The following BCAS3 variants were observed in gnomAD, a reference collection of about 807,000 sequenced individuals.
BCAS3 encodes the protein BCAS3 microtubule associated cell migration factor.
In BCAS3, 53 loss-of-function variants were observed where a neutral mutation model predicts 116.1. That is an observed-to-expected ratio of 0.46 (90% CI 0.37 to 0.57). The LOEUF is 0.57. Among genes scored for constraint, BCAS3 ranks in the 20% least tolerant of loss-of-function variants. BCAS3 has a pLI of 0.00. For synonymous variants in BCAS3, 391 were observed against 408.2 expected (o/e 0.96, Z 0.51); for missense variants, 917 against 1,165.4 (o/e 0.79, Z 3.10).
At position 61,085,463 on chromosome 17, in the gene BCAS3, T is replaced by C. The variant is rs1006851227; in HGVS notation, c.2425+899T>C. ...AAATGGAAACAAACACAAAACTGAT[T>C]TGTGAAGGTCACTTTAAAAAGACCA... On this transcript the variant is annotated intron_variant, in intron 22 of 23. Coordinates refer to ENST00000407086, the MANE Select transcript of BCAS3 (RefSeq NM_017679.5). Among the ~76,000 whole-genome samples the C allele has an allele frequency of 9.2e-5, 14 of 152,200 alleles. 1 individual carries two copies. Among genetic ancestry groups the C allele is most frequent in the Non-Finnish European group, 1.0e-4 (7 of 68,036 alleles).
chr17:61,196,826 G>T lies in BCAS3; in HGVS notation c.2425+112262G>T, dbSNP rs2144258966. On this transcript the variant is annotated intron_variant, in intron 22 of 23. Transcript: ENST00000407086. The surrounding 1 kb of genome is among the most constrained non-coding windows in gnomAD (Gnocchi z 4.7). ...AACTGCTGAAACAGAAAGCATATAT[G>T]CTCTAAAGTATAGTTTATATATAAT... is the stretch of plus-strand genomic sequence containing the variant. 6.6e-6 allele frequency among the ~76,000 whole-genome samples: 1 copy of T among 152,304 alleles called. No homozygotes were observed. The highest frequency in any genetic ancestry group is 2.1e-4 in the South Asian group (1 of 4,824).
chr17:60,900,581 A>C lies in BCAS3; in HGVS notation c.739-2039A>C, dbSNP rs2057821108. Among the ~76,000 whole-genome samples, 4 of 152,226 alleles carry C rather than the reference A, an allele frequency of 2.6e-5. No individual in the cohort carries two copies. The South Asian group carries it at 8.3e-4, about 32-fold the overall frequency. ...CCTTGGACAGTGTATTTGAAGTGTG[A>C]TTCTCTATGCACTATTTTGGTTCTT... is the stretch of plus-strand genomic sequence containing the variant. On this transcript the variant is annotated intron_variant, in intron 10 of 23. Transcript: ENST00000407086.
At chr17:60,917,694 A>G (rs1330798544) in intron 12 of BCAS3, among the ~76,000 whole-genome samples, 1 of 151,994 alleles carries the variant, frequency 6.6e-6, no homozygotes, top group African/African-American at 2.4e-5. Context: ...CTTGGGTTCA[A>G]GCGATTCTCT....
intron 22 of BCAS3, among the ~76,000 whole-genome samples, chr17:61,234,884 T>TTTAC (rs963737020): frequency 1.2e-4 from 11 of 89,330 alleles, no homozygotes; most frequent in Non-Finnish European, 3.2e-4. Context: ...ACTTTATTTA[T>TTTAC]TTACTTATTT....
At position 60,774,825 on chromosome 17, in the gene BCAS3, G is replaced by A. The variant is rs1451313166; in HGVS notation, c.403+27546G>A. ...TGAGTGGTAAGTTGGGGCATTCACA[G>A]GGCTCACATCAATTGTTTCCCTTGT... On this transcript the variant is annotated intron_variant, in intron 6 of 23. Coordinates refer to ENST00000407086, the MANE Select transcript of BCAS3 (RefSeq NM_017679.5). 3.9e-5 allele frequency among the ~76,000 whole-genome samples: 6 copies of A among 152,218 alleles called. No individual in the cohort carries two copies. In the East Asian group the frequency reaches 1.2e-3, roughly 29 times the overall value.
rs1310390977 is a variant in BCAS3 at position 61,243,162 on chromosome 17, G to A, written c.2426-125165G>A. On this transcript the variant is annotated intron_variant, in intron 22 of 23. Coordinates refer to ENST00000407086, the MANE Select transcript of BCAS3 (RefSeq NM_017679.5). This position sits in a 1 kb window ranked among gnomAD's most constrained non-coding sequence, Gnocchi z 5.6. ...CCTGACCTCGTGATCCGCCCGCCAC[G>A]GCCTCCCAAAGTGCTGGGATTACAG... Among the ~76,000 whole-genome samples the A allele has an allele frequency of 1.3e-5, 2 of 152,044 alleles. No homozygotes were observed. The highest frequency in any genetic ancestry group is 2.4e-5 in the African/African-American group (1 of 41,394).
intron 4 of BCAS3, among the ~76,000 whole-genome samples, chr17:60,705,344 C>T (rs1190719172): frequency 1.3e-5 from 2 of 151,934 alleles, no homozygotes; most frequent in Non-Finnish European, 2.9e-5. Context: ...CATGGCGAAA[C>T]CCTGTCTCTA....
In BCAS3 at chr17:61,355,107, A is replaced by C. The variant is rs955375562; in HGVS notation, c.2426-13220A>C. The C allele has an allele frequency of 1.3e-5, 2 of 149,462 alleles. No homozygotes were observed. The highest frequency in any genetic ancestry group is 1.3e-4 in the Admixed American group (2 of 15,028). 9.3% of individuals were successfully genotyped at this position (149,462 alleles called of 1,614,324 possible). On this transcript the variant is annotated intron_variant, in intron 22 of 23. Transcript: ENST00000407086. This position sits in a 1 kb window ranked among gnomAD's most constrained non-coding sequence, Gnocchi z 4.2. ...AGACACCTCCGCCAGCTGGGGAGGC[A>C]GAGAGTTCGCACTCTGAGGAAACGC...
intron 5 of BCAS3, among the ~76,000 whole-genome samples, chr17:60,722,072 A>G (rs1171433236): frequency 1.3e-5 from 2 of 152,182 alleles, no homozygotes; most frequent in Non-Finnish European, 2.9e-5. Context: ...TATCATATGA[A>G]TACAATAAAT....
At chr17:60,721,513 C>T (rs1598293344) in intron 5 of BCAS3, among the ~76,000 whole-genome samples, 1 of 152,044 alleles carries the variant, frequency 6.6e-6, no homozygotes, top group Admixed American at 6.6e-5. Flanking sequence ...TCCCTGTGTG[C>T]GAATAGTGGC....
At chr17:61,331,611 G>A (rs572165836) in intron 22 of BCAS3, among the ~76,000 whole-genome samples, 1 of 152,220 alleles carries the variant, frequency 6.6e-6, no homozygotes, top group East Asian at 1.9e-4. Context: ...TGGACAACAG[G>A]GTGAGACCCC....
At chr17:61,207,125 C>T (rs1359859086) in intron 22 of BCAS3, among the ~76,000 whole-genome samples, 1 of 151,996 alleles carries the variant, frequency 6.6e-6, no homozygotes, top group Non-Finnish European at 1.5e-5. Context: ...TTGCAGTGTG[C>T]CAAGGATAGC....
intron 22 of BCAS3, among the ~76,000 whole-genome samples, chr17:61,096,977 G>A (rs2074015985): frequency 1.3e-5 from 2 of 152,102 alleles, no homozygotes; most frequent in Non-Finnish European, 2.9e-5. Context: ...AAGAGGATAT[G>A]GCAAAAGAAA....
At chr17:61,060,823 A>T (rs1003882202) in intron 19 of BCAS3, among the ~76,000 whole-genome samples, 4 of 152,184 alleles carry the variant, frequency 2.6e-5, no homozygotes, top group African/African-American at 9.7e-5. Flanking sequence ...TTCACTATAC[A>T]TCTGATTATA....
intron 7 of BCAS3, among the ~76,000 whole-genome samples, chr17:60,844,196 CT>C (rs768692245): frequency 1.3e-5 from 2 of 152,192 alleles, no homozygotes; most frequent in Non-Finnish European, 2.9e-5. Context: ...TCTCGAACTC[CT>C]GACCTCAGCT....
chr17:60,683,279 AG>A (rs1159516897), intron 2 of BCAS3, among the ~76,000 whole-genome samples: 6 of 152,132 alleles, frequency 3.9e-5, no homozygotes, highest in Non-Finnish European at 8.8e-5. Flanking sequence ...TGCTCTAATT[AG>A]GGCATTCTTC....
chr17:60,924,340 A>C, intron 12 of BCAS3, 67 bp from the exon 13 acceptor site: 2 of 1,372,780 alleles, frequency 1.5e-6, no homozygotes, highest in Non-Finnish European at 2.1e-6. Context: ...GTGCCTTCTT[A>C]TAGGCTTCAA....
At chr17:61,334,739 T>TAGATCCTA (rs1160378624) in intron 22 of BCAS3, among the ~76,000 whole-genome samples, 3 of 142,866 alleles carry the variant, frequency 2.1e-5, no homozygotes, top group Non-Finnish European at 4.5e-5. Context: ...TTACACATAA[T>TAGATCCTA]AGATCCTAAG....
rs1377570544 is a variant in BCAS3 at position 61,219,581 on chromosome 17, C to T, written c.2425+135017C>T. Among the ~76,000 whole-genome samples, 7 of 152,214 alleles carry T rather than the reference C, an allele frequency of 4.6e-5. No homozygotes were observed. The highest frequency in any genetic ancestry group is 8.8e-5 in the Non-Finnish European group (6 of 68,032). Reference sequence around the variant, plus strand: ...GAGGCAGATAGCATCTCAGCGATCACTGTGCTATTTCAGCTTTCTGCTGCT... The same window carrying T: ...GAGGCAGATAGCATCTCAGCGATCATTGTGCTATTTCAGCTTTCTGCTGCT... On this transcript the variant is annotated intron_variant, in intron 22 of 23. Coordinates refer to ENST00000407086, the MANE Select transcript of BCAS3 (RefSeq NM_017679.5). This position sits in a 1 kb window ranked among gnomAD's most constrained non-coding sequence, Gnocchi z 5.2.
Sources: allele counts gnomAD v4.1 joint callset (sites outside exome capture counted in the v4.1 genomes callset), GRCh38; gene constraint gnomAD v4.1.1; non-coding constraint Gnocchi (gnomAD v3.1); transcripts MANE v1.5; gene names NCBI Gene and HGNC (gene_info 2026-07-23, HGNC 2026-07-21).